The following MAP3K4 variants were observed in gnomAD, a reference collection of about 807,000 sequenced individuals.
MAP3K4 encodes the protein mitogen-activated protein kinase kinase kinase 4, also known as MAP three kinase 1.
A neutral mutation model predicts 185.6 loss-of-function variants in MAP3K4; 67 were observed. The observed-to-expected ratio is 0.36, with a 90% CI of 0.30 to 0.44. The LOEUF is 0.44. MAP3K4 is among the 20% of genes least tolerant of loss of function. MAP3K4 has a pLI of 1.00. For missense variants in MAP3K4, 1,551 were observed against 1,995.1 expected, an observed-to-expected ratio of 0.78 and a Z score of 4.24; for synonymous variants, 702 against 710.4, an observed-to-expected ratio of 0.99 and a Z score of 0.19.
rs2114831783 is a variant in MAP3K4 at position 161,077,531 on chromosome 6, G to T, written c.2098-3350G>T. 1.3e-5 allele frequency among the ~76,000 whole-genome samples: 2 copies of T among 151,226 alleles called. No homozygotes were observed. The highest frequency in any genetic ancestry group is 4.1e-4 in the South Asian group (2 of 4,830). ...GAGCAAGGCACCGCAGGCAGCCTGTGGGGGCTCCAGCTGCAGGTGGAGAGT... is the reference window on the plus strand; with the variant it reads ...GAGCAAGGCACCGCAGGCAGCCTGTTGGGGCTCCAGCTGCAGGTGGAGAGT... On this transcript the variant is annotated intron_variant, in intron 5 of 26. Transcript: ENST00000392142. The surrounding 1 kb of genome is among the most constrained non-coding windows in gnomAD (Gnocchi z 4.3).
At chr6:161,039,532 A>G (rs1371628241) in intron 2 of MAP3K4, among the ~76,000 whole-genome samples, 1 of 152,230 alleles carries the variant, frequency 6.6e-6, no homozygotes, top group Non-Finnish European at 1.5e-5. Context: ...GAGAAAATTG[A>G]TAGCCCTAAT....
At chr6:161,038,476 A>G (rs1304706469) in intron 2 of MAP3K4, among the ~76,000 whole-genome samples, 2 of 152,238 alleles carry the variant, frequency 1.3e-5, no homozygotes, top group Non-Finnish European at 2.9e-5. Context: ...GAACTGTTAC[A>G]TTATTTCTTT....
At position 161,109,156 on chromosome 6, in the gene MAP3K4, G is replaced by T; in HGVS notation, c.4236+297G>T. ...CACCACTTCTTGTGACTTTTTTTCCGTTTTTTTGCTGAACCACTGTTGAGT... is the reference window on the plus strand; with the variant it reads ...CACCACTTCTTGTGACTTTTTTTCCTTTTTTTTGCTGAACCACTGTTGAGT... On this transcript the variant is annotated intron_variant, in intron 22 of 26. Coordinates refer to ENST00000392142, the MANE Select transcript of MAP3K4 (RefSeq NM_005922.4). This position sits in a 1 kb window ranked among gnomAD's most constrained non-coding sequence, Gnocchi z 5.7. 1.6e-6 allele frequency: 1 copy of T among 634,302 alleles called. No homozygotes were observed. Among genetic ancestry groups the T allele is most frequent in the Non-Finnish European group, 2.6e-6 (1 of 377,456 alleles). 39.3% of individuals were successfully genotyped at this position (634,302 alleles called of 1,614,324 possible).
intron 1 of MAP3K4, among the ~76,000 whole-genome samples, chr6:161,019,966 A>G (rs1562485265): frequency 6.6e-6 from 1 of 152,220 alleles, no homozygotes; most frequent in Non-Finnish European, 1.5e-5. Flanking sequence ...TATTCACTGC[A>G]TCTTTTGACA....
chr6:161,084,053 C>T lies in MAP3K4; in HGVS notation c.2256-448C>T, dbSNP rs1785583261. Among the ~76,000 whole-genome samples the T allele has an allele frequency of 6.6e-6, 1 of 152,138 alleles. No individual in the cohort carries two copies. Among genetic ancestry groups the T allele is most frequent in the Non-Finnish European group, 1.5e-5 (1 of 68,042 alleles). On this transcript the variant is annotated intron_variant, in intron 6 of 26. Transcript: ENST00000392142. This position sits in a 1 kb window ranked among gnomAD's most constrained non-coding sequence, Gnocchi z 4.6. Reference sequence around the variant, plus strand: ...TAACACTAGTATTTAGAATTGTGTACTCAATGAGAAGGATCAGCCAGATAG... The same window carrying T: ...TAACACTAGTATTTAGAATTGTGTATTCAATGAGAAGGATCAGCCAGATAG...
At chr6:161,104,721 A>AG (rs1424491803) in intron 19 of MAP3K4, among the ~76,000 whole-genome samples, 2 of 151,574 alleles carry the variant, frequency 1.3e-5, no homozygotes, top group Non-Finnish European at 2.9e-5. Context: ...AAAAAAAAAA[A>AG]AAAAGGAATC....
At chr6:161,030,401 T>C (rs1006619687) in intron 1 of MAP3K4, among the ~76,000 whole-genome samples, 4 of 152,082 alleles carry the variant, frequency 2.6e-5, no homozygotes, top group African/African-American at 9.7e-5. Flanking sequence ...GTTTTTCTCC[T>C]GGTTTGGATC....
At chr6:161,003,399 A>G (rs1211239240) in intron 1 of MAP3K4, among the ~76,000 whole-genome samples, 1 of 152,260 alleles carries the variant, frequency 6.6e-6, no homozygotes, top group Non-Finnish European at 1.5e-5. Context: ...TGATTAGTTC[A>G]TTCAGTCCTG....
At position 161,077,868 on chromosome 6, in the gene MAP3K4, GA is replaced by G. The variant is rs988970763; in HGVS notation, c.2098-3006del. ...TTTGCAAACTAAGGGAAAGAGATGGGAAAAAAATATATATATGTATTAATAT... is the reference window on the plus strand; with the variant it reads ...TTTGCAAACTAAGGGAAAGAGATGGGAAAAAATATATATATGTATTAATAT... On this transcript the variant is annotated intron_variant, in intron 5 of 26. Transcript: ENST00000392142. The surrounding 1 kb of genome is among the most constrained non-coding windows in gnomAD (Gnocchi z 4.3). Among the ~76,000 whole-genome samples the G allele has an allele frequency of 6.6e-6, 1 of 151,924 alleles. No homozygotes were observed. The highest frequency in any genetic ancestry group is 1.5e-5 in the Non-Finnish European group (1 of 67,994).
Position 161,109,955 on chromosome 6 carries a change from T to TGGTA in MAP3K4, c.4396+42_4396+45dup. On this transcript the variant is annotated intron_variant, in intron 23 of 26. Coordinates refer to ENST00000392142, the MANE Select transcript of MAP3K4 (RefSeq NM_005922.4). The surrounding 1 kb of genome is among the most constrained non-coding windows in gnomAD (Gnocchi z 5.7). ...CCTGGCTGCTGTGGGCCAGAGCCACTGGTACCCAGCCCGTGGGAGGTGCTC... is the reference window on the plus strand; with the variant it reads ...CCTGGCTGCTGTGGGCCAGAGCCACTGGTAGGTACCCAGCCCGTGGGAGGTGCTC... The TGGTA allele has an allele frequency of 1.9e-6, 3 of 1,608,950 alleles. No individual in the cohort carries two copies. The highest frequency in any genetic ancestry group is 2.5e-6 in the Non-Finnish European group (3 of 1,176,778).
At chr6:161,009,696 C>A (rs1781758722) in intron 1 of MAP3K4, among the ~76,000 whole-genome samples, 6 of 152,086 alleles carry the variant, frequency 3.9e-5, no homozygotes, top group Admixed American at 3.9e-4. Flanking sequence ...AAAAAAAAAT[C>A]TTTGAAAGGC....
At position 161,049,677 on chromosome 6, in the gene MAP3K4, C is replaced by T. The variant is rs768696884; in HGVS notation, c.1405C>T (p.Pro469Ser). ...GAGTGAAGAAGAACAAATCTCTGAT[C>T]CTAGGGTACCGGAAATCAGACAGCC... is the stretch of plus-strand genomic sequence containing the variant. ...DESEEEQISD[P>S]RVPEIRQPID... Residue 469 changes from proline to serine, a missense_variant, in exon 3 of 27, where the codon CCT becomes TCT. This residue lies in a region of MAP3K4 where 126 missense variants were observed against 112.8 expected (regional missense o/e 1.12). Coordinates refer to ENST00000392142, the MANE Select transcript of MAP3K4 (RefSeq NM_005922.4). The surrounding 1 kb of genome is among the most constrained non-coding windows in gnomAD (Gnocchi z 8.4). 1 of 1,613,944 alleles carries T rather than the reference C, an allele frequency of 6.2e-7. No individual in the cohort carries two copies. The highest frequency in any genetic ancestry group is 8.5e-7 in the Non-Finnish European group (1 of 1,179,994).
rs1778274885 is a variant in MAP3K4, at chr6:161,110,034, C to T, written c.4396+120C>T. On this transcript the variant is annotated intron_variant, in intron 23 of 26. Coordinates refer to ENST00000392142, the MANE Select transcript of MAP3K4 (RefSeq NM_005922.4). This position sits in a 1 kb window ranked among gnomAD's most constrained non-coding sequence, Gnocchi z 4.8. ...GATTTCTCTAGATGGAAATACCTTT[C>T]ATTGAAATACGCCTCTATAAGGATC... 9.7e-7 allele frequency: 1 copy of T among 1,031,184 alleles called. No homozygotes were observed. The highest frequency in any genetic ancestry group is 1.4e-6 in the Non-Finnish European group (1 of 693,278). 63.9% of individuals were successfully genotyped at this position (1,031,184 alleles called of 1,614,324 possible). A position where few individuals can be genotyped will look rare whatever the true frequency, so the allele number is the denominator to read the frequency against.
At chr6:161,095,519 T>C (rs1337310935) in intron 15 of MAP3K4, among the ~76,000 whole-genome samples, 1 of 152,240 alleles carries the variant, frequency 6.6e-6, no homozygotes, top group East Asian at 1.9e-4. Flanking sequence ...TTCCATATTT[T>C]CTATAGATTC....
At position 161,098,071 on chromosome 6, in the gene MAP3K4, G is replaced by A. The variant is rs1214418763; in HGVS notation, c.3525-207G>A. On this transcript the variant is annotated intron_variant, in intron 16 of 26. Transcript: ENST00000392142. This position sits in a 1 kb window ranked among gnomAD's most constrained non-coding sequence, Gnocchi z 4.4. ...CACTGCACTCCAGCCTGGACAACAG[G>A]GTGCGATGCTGTCTCAAAAAAAAGA... Among the ~76,000 whole-genome samples, 2 of 151,892 alleles carry A rather than the reference G, an allele frequency of 1.3e-5. No individual in the cohort carries two copies. The highest frequency in any genetic ancestry group is 2.4e-5 in the African/African-American group (1 of 41,320).
intron 1 of MAP3K4, among the ~76,000 whole-genome samples, chr6:161,018,935 T>C (rs1054357735): frequency 6.6e-5 from 10 of 152,206 alleles, no homozygotes; most frequent in African/African-American, 1.9e-4. Context: ...ATCAACAGAT[T>C]AGACACTGCA....
At position 161,098,731 on chromosome 6, in the gene MAP3K4, A is replaced by G. The variant is rs867372554; in HGVS notation, c.3674+304A>G. Among the ~76,000 whole-genome samples the G allele has an allele frequency of 1.3e-5, 2 of 152,240 alleles. No individual in the cohort carries two copies. Among genetic ancestry groups the G allele is most frequent in the South Asian group, 2.1e-4 (1 of 4,828 alleles). ...GGACTGGTCCACAACAGAAGGGGAC[A>G]TGAGCATTTTGCCTCACAGAGAGAG... is the stretch of plus-strand genomic sequence containing the variant. On this transcript the variant is annotated intron_variant, in intron 17 of 26. Transcript: ENST00000392142. The surrounding 1 kb of genome is among the most constrained non-coding windows in gnomAD (Gnocchi z 4.4).
chr6:161,002,882 C>T (rs1170965981), intron 1 of MAP3K4, among the ~76,000 whole-genome samples: 1 of 152,160 alleles, frequency 6.6e-6, no homozygotes, highest in African/African-American at 2.4e-5. Context: ...TGAGCTCCCG[C>T]ACCCGGCCGG....
rs6901968 is a variant in MAP3K4, at chr6:161,022,975, G to C, written c.153-11284G>C. Among the ~76,000 whole-genome samples, 25,830 of 152,130 alleles carry C rather than the reference G, an allele frequency of 0.17. 2,619 individuals carry two copies. Among genetic ancestry groups the C allele is most frequent in the East Asian group, 0.39 (1,993 of 5,156 alleles). Reference sequence around the variant, plus strand: ...TGGGTAACAAATTACAGAGCTGATTGAAAACATAAACAAGTATAAATGTTT... The same window carrying C: ...TGGGTAACAAATTACAGAGCTGATTCAAAACATAAACAAGTATAAATGTTT... On this transcript the variant is annotated intron_variant, in intron 1 of 26. Coordinates refer to ENST00000392142, the MANE Select transcript of MAP3K4 (RefSeq NM_005922.4). The surrounding 1 kb of genome is among the most constrained non-coding windows in gnomAD (Gnocchi z 4.2).
Sources: allele counts gnomAD v4.1 joint callset (sites outside exome capture counted in the v4.1 genomes callset), GRCh38; gene constraint gnomAD v4.1.1; regional missense constraint gnomAD v4.1.1; non-coding constraint Gnocchi (gnomAD v3.1); transcripts MANE v1.5; gene names NCBI Gene and HGNC (gene_info 2026-07-23, HGNC 2026-07-21).